KIAA1958: variants seen among roughly 807,000 people sequenced by gnomAD.
The protein encoded by KIAA1958 is uncharacterized protein KIAA1958.
Under a neutral mutation model 47.2 loss-of-function variants are expected in KIAA1958, and 14 were observed. The observed-to-expected ratio is 0.30, with a 90% confidence interval of 0.20 to 0.46. The LOEUF is 0.46. KIAA1958 is among the 20% of genes least tolerant of loss of function. The pLI is 1.00. For missense variants in KIAA1958, 803 were observed against 909.2 expected, an observed-to-expected ratio of 0.88 and a Z score of 1.50; for synonymous variants, 354 against 353.3, an observed-to-expected ratio of 1.00 and a Z score of -0.02.
intron 1 of KIAA1958, among the ~76,000 whole-genome samples, chr9:112,554,017 A>T (rs914867922): frequency 3.9e-5 from 6 of 152,234 alleles, no homozygotes; most frequent in African/African-American, 1.4e-4. Flanking sequence ...AGAGGTAGGA[A>T]ATAGATGGTA....
chr9:112,606,817 T>C (rs1836244548), intron 2 of KIAA1958, among the ~76,000 whole-genome samples: 1 of 152,206 alleles, frequency 6.6e-6, no homozygotes, highest in Non-Finnish European at 1.5e-5. Flanking sequence ...ATTTATGGGA[T>C]CCCTGTAAAA....
At chr9:112,489,090 A>T (rs1267720129) in intron 1 of KIAA1958, among the ~76,000 whole-genome samples, 1 of 152,212 alleles carries the variant, frequency 6.6e-6, no homozygotes. Context: ...GCCCTTGACT[A>T]GCGTTCCTTG....
At chr9:112,621,961 C>T (rs786986) in intron 2 of KIAA1958, among the ~76,000 whole-genome samples, 46,791 of 151,902 alleles carry the variant, frequency 0.31, 7,363 homozygotes, top group Middle Eastern at 0.38. Context: ...AGGCTGGTCT[C>T]GAACTCCTAG....
intron 2 of KIAA1958, among the ~76,000 whole-genome samples, chr9:112,627,348 A>G (rs1836634662): frequency 6.6e-6 from 1 of 152,228 alleles, no homozygotes; most frequent in Non-Finnish European, 1.5e-5. Context: ...CTAGCGGTAG[A>G]ATTTCCCTTG....
At chr9:112,617,472 C>A (rs533116361) in intron 2 of KIAA1958, among the ~76,000 whole-genome samples, 1 of 152,334 alleles carries the variant, frequency 6.6e-6, no homozygotes, top group East Asian at 1.9e-4. Flanking sequence ...TCTGTTTTCA[C>A]AAATGAAGTG....
intron 1 of KIAA1958, among the ~76,000 whole-genome samples, chr9:112,509,729 A>G (rs1834292462): frequency 6.6e-6 from 1 of 152,218 alleles, no homozygotes; most frequent in Non-Finnish European, 1.5e-5. Context: ...TGGAAGAAAG[A>G]GAGGTTGAAA....
intron 1 of KIAA1958, among the ~76,000 whole-genome samples, chr9:112,487,946 C>CGTGTGTGTGTGTGTGTGTGT (rs57108785): frequency 6.9e-6 from 1 of 145,734 alleles, no homozygotes; most frequent in Admixed American, 6.9e-5. Context: ...AGTGTGTGTG[C>CGTGTGTGTGTGTGTGTGTGT]GTGTGTGTGT....
chr9:112,571,116 C>G (rs1226639796), intron 1 of KIAA1958, among the ~76,000 whole-genome samples: 7 of 152,208 alleles, frequency 4.6e-5, no homozygotes, highest in Non-Finnish European at 7.3e-5. Flanking sequence ...ACATAATCCA[C>G]TCAGACTCAC....
intron 1 of KIAA1958, among the ~76,000 whole-genome samples, chr9:112,513,171 A>AT (rs1834350419): frequency 6.8e-6 from 1 of 146,338 alleles, no homozygotes; most frequent in African/African-American, 2.5e-5. Context: ...TGCCCAGCTA[A>AT]TTTTTGTATT....
intron 1 of KIAA1958, among the ~76,000 whole-genome samples, chr9:112,560,823 G>C (rs1450163506): frequency 3.9e-5 from 6 of 152,128 alleles, no homozygotes; most frequent in Admixed American, 1.3e-4. Context: ...GATAACTTTT[G>C]ATAGGTATCA....
intron 1 of KIAA1958, among the ~76,000 whole-genome samples, chr9:112,563,363 G>A (rs941456707): frequency 2.0e-5 from 3 of 151,852 alleles, no homozygotes; most frequent in East Asian, 3.9e-4. Flanking sequence ...CCACTAATAC[G>A]GTATATCTTT....
At position 112,617,980 on chromosome 9, in the gene KIAA1958, T is replaced by C. The variant is rs1267360790; in HGVS notation, c.1172-27670T>C. 6 of 1,550,504 alleles carry C rather than the reference T, an allele frequency of 3.9e-6. No individual in the cohort carries two copies. In the South Asian group the frequency reaches 7.1e-5, roughly 18 times the overall value. Reference sequence around the variant, plus strand: ...GTGAGTTCCTCATCTCCAAGTATCCTTCTGAAACAAGAGAGATTTATGTCA... The same window carrying C: ...GTGAGTTCCTCATCTCCAAGTATCCCTCTGAAACAAGAGAGATTTATGTCA... On this transcript the variant is annotated intron_variant, in intron 2 of 3. Coordinates refer to ENST00000337530, the MANE Select transcript of KIAA1958 (RefSeq NM_133465.4).
At chr9:112,488,848 A>G (rs1833914361) in intron 1 of KIAA1958, among the ~76,000 whole-genome samples, 1 of 152,178 alleles carries the variant, frequency 6.6e-6, no homozygotes, top group South Asian at 2.1e-4. Flanking sequence ...TCTAGGAGAA[A>G]AATTTATCTA....
chr9:112,537,117 T>A (rs1308730399), intron 1 of KIAA1958, among the ~76,000 whole-genome samples: 2 of 150,810 alleles, frequency 1.3e-5, no homozygotes, highest in African/African-American at 4.9e-5. Context: ...CTTTTCTTTC[T>A]TTTTTTTTGA....
intron 3 of KIAA1958, among the ~76,000 whole-genome samples, chr9:112,651,394 CAT>C (rs1032812723): frequency 3.3e-5 from 4 of 122,374 alleles, no homozygotes; most frequent in South Asian, 5.2e-4. Flanking sequence ...TATATATATA[CAT>C]ATTTTTTTTT....
intron 1 of KIAA1958, among the ~76,000 whole-genome samples, chr9:112,521,552 A>G (rs1834544537): frequency 6.6e-6 from 1 of 152,092 alleles, no homozygotes; most frequent in African/African-American, 2.4e-5. Context: ...ATATTTTTTA[A>G]AGATTTTCTC....
In KIAA1958 at chr9:112,659,337, C is replaced by T. The variant is rs1174218965; in HGVS notation, c.1419C>T (p.Phe473=). The change falls in exon 4 of 4, where the codon TTC becomes TTT. Residue 473 remains phenylalanine, a synonymous_variant. Transcript: ENST00000337530. ...VTVKKSDGSD[F]LATSLHAIRR... Reference sequence around the variant, plus strand: ...TCAAGAAGAGCGACGGCTCGGACTTCCTGGCCACCTCGCTCCATGCTATTC... The same window carrying T: ...TCAAGAAGAGCGACGGCTCGGACTTTCTGGCCACCTCGCTCCATGCTATTC... 6.2e-7 allele frequency: 1 copy of T among 1,614,076 alleles called. No homozygotes were observed.
intron 3 of KIAA1958, among the ~76,000 whole-genome samples, chr9:112,649,421 A>G (rs1484152849): frequency 1.3e-5 from 2 of 152,068 alleles, no homozygotes; most frequent in Non-Finnish European, 2.9e-5. Flanking sequence ...GACCTCCCAA[A>G]GTGCTGGGAT....
chr9:112,645,741 C>T lies in KIAA1958; in HGVS notation c.1263C>T (p.Thr421=), dbSNP rs1836964031. The T allele has an allele frequency of 1.2e-6, 2 of 1,613,906 alleles. No individual in the cohort carries two copies. Among genetic ancestry groups the T allele is most frequent in the South Asian group, 2.2e-5 (2 of 91,058 alleles). Residue 421 remains threonine, a synonymous_variant, in exon 3 of 4, where the codon ACC becomes ACT. Transcript: ENST00000337530. ...CCAGTGCAGTAAGCCCAAATACTAC[C>T]AAAGCCACGCGGTACGCCTTGAATG... ...LCTSAVSPNT[T]KATRYALNVW... is the part of the protein sequence containing the mutation.
Sources: gnomAD v4.1 joint callset for allele counts (sites outside exome capture counted in the v4.1 genomes callset) on GRCh38, gnomAD v4.1.1 for gene constraint, MANE v1.5 for transcripts, NCBI Gene and HGNC (gene_info 2026-07-23, HGNC 2026-07-21) for gene names.